COL4A2: variants seen among roughly 807,000 people sequenced by gnomAD.
COL4A2 encodes the protein collagen type IV alpha 2 chain, also known as collagen alpha-2(IV) chain.
COL4A2 carries 99 observed loss-of-function variants against 200.2 expected under a neutral mutation model. That is an observed-to-expected ratio of 0.49 (90% confidence interval 0.42 to 0.58). The LOEUF (loss-of-function observed/expected upper bound fraction) is 0.58. Ranked by LOEUF, COL4A2 falls within the 20% of genes least tolerant of loss-of-function variation. The probability of loss-of-function intolerance (pLI) is 0.00; values close to 1 mark genes in which losing one functional copy is unlikely to be tolerated. For missense variants in COL4A2, 1,950 were observed against 2,314.1 expected, an observed-to-expected ratio of 0.84 and a Z score of 3.23; for synonymous variants, 897 against 900.6, an observed-to-expected ratio of 1.00 and a Z score of 0.07.
intron 40 of COL4A2, among the ~76,000 whole-genome samples, chr13:110,496,948 G>A (rs1883480479): frequency 6.7e-6 from 1 of 148,582 alleles, no homozygotes; most frequent in Admixed American, 6.7e-5. Context: ...TGAAGATCTA[G>A]GGTTAGCATA....
chr13:110,395,120 C>T (rs778490553), intron 4 of COL4A2, among the ~76,000 whole-genome samples: 7 of 152,174 alleles, frequency 4.6e-5, no homozygotes, highest in Non-Finnish European at 8.8e-5. Context: ...GACCTGTCTC[C>T]TCCTGGGAGG....
At chr13:110,336,100 GTTT>G (rs1469729689) in intron 3 of COL4A2, among the ~76,000 whole-genome samples, 1 of 152,188 alleles carries the variant, frequency 6.6e-6, no homozygotes, top group Non-Finnish European at 1.5e-5. Context: ...TCTTCTTGGA[GTTT>G]TTTGATTTTT....
intron 3 of COL4A2, among the ~76,000 whole-genome samples, chr13:110,329,445 C>G (rs1020234067): frequency 6.6e-6 from 1 of 152,184 alleles, no homozygotes; most frequent in African/African-American, 2.4e-5. Flanking sequence ...GTGGTCCCTC[C>G]GTACCACAGA....
chr13:110,420,946 C>T (rs1219690289), intron 4 of COL4A2, among the ~76,000 whole-genome samples: 5 of 152,256 alleles, frequency 3.3e-5, no homozygotes, highest in South Asian at 4.1e-4. Flanking sequence ...TCTGCCCAGG[C>T]TCTTCCTGGC....
At chr13:110,346,140 G>A (rs1876690938) in intron 3 of COL4A2, among the ~76,000 whole-genome samples, 1 of 152,144 alleles carries the variant, frequency 6.6e-6, no homozygotes. Context: ...GAGCTTTCCT[G>A]GGGTACTGAA....
At chr13:110,362,660 A>G (rs1301218405) in intron 4 of COL4A2, among the ~76,000 whole-genome samples, 3 of 151,968 alleles carry the variant, frequency 2.0e-5, no homozygotes, top group Admixed American at 6.6e-5. Context: ...TTCTTTATAC[A>G]CCATGGAGAT....
rs754118201 is a variant in COL4A2, at chr13:110,508,142, C to T, written c.4802C>T (p.Ala1601Val). The T allele has an allele frequency of 5.0e-6, 8 of 1,614,272 alleles. No individual in the cohort carries two copies. The highest frequency in any genetic ancestry group is 3.3e-5 in the Admixed American group (2 of 60,036). Residue 1601 changes from alanine (A) to valine (V), a missense_variant, in exon 47 of 48, where the codon GCG becomes GTG. By Grantham distance (64) the Ala-to-Val change is moderately conservative (BLOSUM62 0). Around this residue, in one of 2 missense-constraint regions of COL4A2, gnomAD observed 1,385 missense variants for 1,720.5 expected, o/e 0.80. Transcript: ENST00000360467. This position sits in a 1 kb window ranked among gnomAD's most constrained non-coding sequence, Gnocchi z 6.1. Reference protein sequence around the residue: ...SVCEAPAIAIAVHSQDVSIPH... With the variant: ...SVCEAPAIAIVVHSQDVSIPH... ...TGTGAGGCCCCGGCCATCGCCATCG[C>T]GGTCCACAGTCAGGATGTCTCCATC... is the stretch of plus-strand genomic sequence containing the variant.
intron 4 of COL4A2, among the ~76,000 whole-genome samples, chr13:110,391,008 C>T (rs1481406664): frequency 2.6e-5 from 4 of 152,202 alleles, no homozygotes; most frequent in East Asian, 1.9e-4. Flanking sequence ...AAGTGAATTA[C>T]GAATTCATCA....
At chr13:110,400,296 A>G (rs957135911) in intron 4 of COL4A2, among the ~76,000 whole-genome samples, 1 of 152,240 alleles carries the variant, frequency 6.6e-6, no homozygotes, top group African/African-American at 2.4e-5. Context: ...TGAGAAATTT[A>G]AATAAGATTT....
intron 16 of COL4A2, among the ~76,000 whole-genome samples, chr13:110,440,470 C>T (rs1881077317): frequency 1.3e-5 from 2 of 152,006 alleles, no homozygotes; most frequent in Admixed American, 1.3e-4. Flanking sequence ...GGTGTGGGTA[C>T]CTGTAATCCC....
At chr13:110,393,887 TTC>T (rs1566509701) in intron 4 of COL4A2, among the ~76,000 whole-genome samples, 1 of 151,980 alleles carries the variant, frequency 6.6e-6, no homozygotes. Context: ...AAAAAAAAAA[TTC>T]TTTTTTACAT....
chr13:110,372,394 T>C (rs1878050870), intron 4 of COL4A2, among the ~76,000 whole-genome samples: 1 of 152,242 alleles, frequency 6.6e-6, no homozygotes, highest in Admixed American at 6.5e-5. Flanking sequence ...ACCTCGTAAG[T>C]CTCTCTGACA....
chr13:110,402,628 C>G lies in COL4A2; in HGVS notation c.181-22106C>G, dbSNP rs142898426. 3.3e-3 allele frequency among the ~76,000 whole-genome samples: 509 copies of G among 152,318 alleles called. 3 individuals are homozygous for G. The highest frequency in any genetic ancestry group is 0.012 in the African/African-American group (483 of 41,576). ...CCCCACCTAGAAGAAACCTACACTG[C>G]CATGAACAGAATATTATTCATGGTG... On this transcript the variant is annotated intron_variant, in intron 4 of 47. Transcript: ENST00000360467.
chr13:110,430,669 C>T (rs1880645817), intron 10 of COL4A2, 62 bp downstream of exon 10: 8 of 1,604,548 alleles, frequency 5.0e-6, no homozygotes, highest in Non-Finnish European at 6.8e-6. Context: ...TTCCAGATGC[C>T]ACTTCTTCAA....
At chr13:110,417,827 A>G (rs1880100877) in intron 4 of COL4A2, among the ~76,000 whole-genome samples, 1 of 151,934 alleles carries the variant, frequency 6.6e-6, no homozygotes, top group South Asian at 2.1e-4. Flanking sequence ...TAGCAATCCC[A>G]GGAGTGAGCT....
At chr13:110,366,298 C>T (rs1465260062) in intron 4 of COL4A2, among the ~76,000 whole-genome samples, 1 of 152,216 alleles carries the variant, frequency 6.6e-6, no homozygotes, top group Non-Finnish European at 1.5e-5. Flanking sequence ...TGTCTTCCCT[C>T]ATGCAGCAGG....
intron 29 of COL4A2, among the ~76,000 whole-genome samples, chr13:110,476,313 C>T (rs993435783): frequency 7.2e-5 from 11 of 152,254 alleles, no homozygotes; most frequent in African/African-American, 2.7e-4. Flanking sequence ...GAGCTCTTCA[C>T]TCTAAAGATA....
intron 36 of COL4A2, among the ~76,000 whole-genome samples, 154 bp downstream of exon 36, chr13:110,489,939 G>A (rs1170744244): frequency 4.6e-5 from 7 of 152,178 alleles, no homozygotes; most frequent in Non-Finnish European, 8.8e-5. Context: ...AAAGACCGTC[G>A]TTTTTAATTA....
chr13:110,395,743 G>A (rs773270315), intron 4 of COL4A2, among the ~76,000 whole-genome samples: 5 of 152,096 alleles, frequency 3.3e-5, no homozygotes, highest in Admixed American at 6.5e-5. Flanking sequence ...TCAGGAGTTC[G>A]AGACCAGCCT....
Sources: gnomAD v4.1 joint callset for allele counts (sites outside exome capture counted in the v4.1 genomes callset) on GRCh38, gnomAD v4.1.1 for gene constraint, gnomAD v4.1.1 regional missense constraint, Gnocchi (gnomAD v3.1) non-coding constraint, MANE v1.5 for transcripts, NCBI Gene and HGNC (gene_info 2026-07-23, HGNC 2026-07-21) for gene names.